Variants in TCF12 observed in about 807,000 individuals in gnomAD.
The protein encoded by TCF12 is transcription factor 12, also known as DNA-binding protein HTF4.
Under a neutral mutation model 86.0 loss-of-function variants are expected in TCF12, and 45 were observed. The ratio of observed to expected loss-of-function variants is 0.52; its 90% CI spans 0.41 to 0.67. The LOEUF is 0.67. Among genes scored for constraint, TCF12 ranks in the 30% least tolerant of loss-of-function variants. The pLI is 0.00. For missense variants in TCF12, 881 were observed against 859.9 expected (o/e 1.02, Z -0.31); for synonymous variants, 330 against 299.6 (o/e 1.10, Z -1.05).
chr15:57,087,108 T>TCTCC (rs2048698090), intron 4 of TCF12, among the ~76,000 whole-genome samples: 1 of 149,246 alleles, frequency 6.7e-6, no homozygotes, highest in African/African-American at 2.5e-5. Flanking sequence ...TCTCTCTCCC[T>TCTCC]CTCCCTCTCC....
chr15:57,189,634 T>G (rs1460822672), intron 6 of TCF12, among the ~76,000 whole-genome samples: 2 of 152,188 alleles, frequency 1.3e-5, no homozygotes, highest in African/African-American at 4.8e-5. Flanking sequence ...ACATTGCTAG[T>G]TGGAATGTAA....
chr15:56,984,143 A>G (rs1023499187), intron 3 of TCF12, among the ~76,000 whole-genome samples: 2 of 152,034 alleles, frequency 1.3e-5, no homozygotes, highest in African/African-American at 4.8e-5. Context: ...TTTATGAACC[A>G]TATATGTTTC....
intron 12 of TCF12, among the ~76,000 whole-genome samples, chr15:57,236,013 T>C (rs1379823453): frequency 6.6e-6 from 1 of 152,132 alleles, no homozygotes; most frequent in African/African-American, 2.4e-5. Context: ...AGTGAAGAAA[T>C]GTTTAATCTA....
At chr15:56,976,408 T>TA (rs397767124) in intron 3 of TCF12, among the ~76,000 whole-genome samples, 2 of 151,020 alleles carry the variant, frequency 1.3e-5, no homozygotes, top group Non-Finnish European at 3.0e-5. Flanking sequence ...TTTTTTTTTT[T>TA]AAATATTTTT....
intron 5 of TCF12, among the ~76,000 whole-genome samples, chr15:57,162,829 CTTTTT>C (rs200275534): frequency 2.0e-5 from 3 of 147,688 alleles, no homozygotes; most frequent in African/African-American, 7.4e-5. Context: ...TCCACTTCAA[CTTTTT>C]TTTTTTAAAG....
chr15:57,212,575 G>A (rs1288933603), intron 8 of TCF12, among the ~76,000 whole-genome samples: 1 of 152,012 alleles, frequency 6.6e-6, no homozygotes, highest in Non-Finnish European at 1.5e-5. Flanking sequence ...ACCATACCCT[G>A]CCTTGATTTT....
At chr15:57,100,327 T>C (rs1347327614) in intron 5 of TCF12, among the ~76,000 whole-genome samples, 1 of 152,182 alleles carries the variant, frequency 6.6e-6, no homozygotes, top group Non-Finnish European at 1.5e-5. Flanking sequence ...TAGCACGCAG[T>C]TGAGAATTTG....
intron 5 of TCF12, among the ~76,000 whole-genome samples, chr15:57,159,254 T>C: frequency 6.6e-6 from 1 of 152,228 alleles, no homozygotes; most frequent in Non-Finnish European, 1.5e-5. Flanking sequence ...AAGCAAGAGC[T>C]AAGAGACGAA....
At chr15:56,992,653 A>G (rs2063510917) in intron 3 of TCF12, among the ~76,000 whole-genome samples, 1 of 152,182 alleles carries the variant, frequency 6.6e-6, no homozygotes, top group Admixed American at 6.5e-5. Context: ...CTGATAGTGC[A>G]CTACAAAATT....
intron 8 of TCF12, among the ~76,000 whole-genome samples, chr15:57,200,087 GGC>G (rs1451350788): frequency 1.4e-5 from 2 of 144,676 alleles, no homozygotes; most frequent in African/African-American, 5.2e-5. Flanking sequence ...TCTCTGTCCA[GGC>G]CAGGATGGTC....
intron 14 of TCF12, chr15:57,252,091 G>A (rs1183666333): frequency 4.6e-6 from 1 of 216,432 alleles, no homozygotes; most frequent in East Asian, 1.0e-4. Context: ...ATGATTTGAT[G>A]GAATGCTAAG....
intron 3 of TCF12, among the ~76,000 whole-genome samples, chr15:56,986,364 A>G (rs2063178493): frequency 6.6e-6 from 1 of 152,172 alleles, no homozygotes; most frequent in African/African-American, 2.4e-5. Flanking sequence ...AATAAAATGT[A>G]AATGCTACTT....
chr15:57,053,974 G>T (rs1223345345), intron 3 of TCF12, among the ~76,000 whole-genome samples: 1 of 152,196 alleles, frequency 6.6e-6, no homozygotes, highest in Non-Finnish European at 1.5e-5. Flanking sequence ...TAGATAGCAG[G>T]AGATTAATTA....
intron 12 of TCF12, among the ~76,000 whole-genome samples, chr15:57,242,898 A>AAGGATGACAGAGTATCTTCTG (rs2059696374): frequency 6.6e-6 from 1 of 152,210 alleles, no homozygotes; most frequent in African/African-American, 2.4e-5. Context: ...CACTTTCTTC[A>AAGGATGACAGAGTATCTTCTG]AGGATGACAG....
At chr15:57,212,417 G>A (rs1319389149) in intron 8 of TCF12, among the ~76,000 whole-genome samples, 1 of 151,998 alleles carries the variant, frequency 6.6e-6, no homozygotes, top group Non-Finnish European at 1.5e-5. Flanking sequence ...CTAGGTAGCT[G>A]GGATTACAGG....
intron 13 of TCF12, among the ~76,000 whole-genome samples, chr15:57,244,018 A>C (rs1292192687): frequency 6.6e-6 from 1 of 152,040 alleles, no homozygotes; most frequent in Admixed American, 6.6e-5. Context: ...AACTGGGAAT[A>C]CAGGTGTATG....
intron 8 of TCF12, among the ~76,000 whole-genome samples, chr15:57,211,979 CCACACACACA>C (rs58113866): frequency 7.2e-5 from 6 of 83,820 alleles, no homozygotes; most frequent in South Asian, 3.8e-4. Flanking sequence ...CACACACACA[CCACACACACA>C]CACACACACA....
chr15:57,274,904 T>C (rs1026848707), intron 19 of TCF12, among the ~76,000 whole-genome samples: 16 of 152,144 alleles, frequency 1.1e-4, no homozygotes, highest in Middle Eastern at 3.2e-3. Flanking sequence ...CTACTTCAGA[T>C]CTAAGCCATT....
chr15:57,110,189 G>T (rs930065712), intron 5 of TCF12, among the ~76,000 whole-genome samples: 1 of 151,826 alleles, frequency 6.6e-6, no homozygotes, highest in Non-Finnish European at 1.5e-5. Flanking sequence ...TGGTTCTAAG[G>T]GTCAATAAAA....
Sources: gnomAD v4.1 joint callset for allele counts (sites outside exome capture counted in the v4.1 genomes callset) on GRCh38, gnomAD v4.1.1 for gene constraint, MANE v1.5 for transcripts, NCBI Gene and HGNC (gene_info 2026-07-23, HGNC 2026-07-21) for gene names.